ASTN2: variants seen among roughly 807,000 people sequenced by gnomAD.
ASTN2 encodes the protein astrotactin-2.
A neutral mutation model predicts 139.8 loss-of-function variants in ASTN2; 54 were observed. The ratio of observed to expected loss-of-function variants is 0.39; its 90% CI spans 0.31 to 0.48. The LOEUF is 0.48. ASTN2 is among the 20% of genes least tolerant of loss of function. The pLI, the probability that ASTN2 is intolerant of heterozygous loss-of-function variation, is 0.95. For synonymous variants in ASTN2, 756 were observed against 719.5 expected, an observed-to-expected ratio of 1.05 and a Z score of -0.81; for missense variants, 1,565 against 1,725.1, an observed-to-expected ratio of 0.91 and a Z score of 1.64.
At chr9:117,234,242 C>G (rs900888940) in intron 2 of ASTN2, among the ~76,000 whole-genome samples, 2 of 152,180 alleles carry the variant, frequency 1.3e-5, no homozygotes, top group East Asian at 1.9e-4. Context: ...GAAAAGGGAG[C>G]CTCAGGCAGG....
Position 116,733,467 on chromosome 9 carries a change from G to A in ASTN2, c.2453C>T (p.Pro818Leu), listed in dbSNP as rs367553979. ...PQLADGLLVI[P>L]LPVEEQCRGV... The stretch of plus-strand genomic sequence containing the variant: ...CCGGCACTGCTCCTCCACCGGCAGC[G>A]GGATCACCAACAGCCCATCGGCCAG... The change falls in exon 14 of 23, where the codon CCG (proline) becomes CTG (leucine). Residue 818 changes from proline (P) to leucine (L), a missense_variant. Coordinates refer to ENST00000313400, the MANE Select transcript of ASTN2 (RefSeq NM_001365068.1). The A allele has an allele frequency of 5.0e-6, 8 of 1,614,082 alleles. No individual in the cohort carries two copies. Among genetic ancestry groups the A allele is most frequent in the African/African-American group, 1.3e-5 (1 of 74,932 alleles).
intron 4 of ASTN2, among the ~76,000 whole-genome samples, chr9:117,127,050 G>A (rs1258101935): frequency 2.0e-5 from 3 of 152,204 alleles, no homozygotes; most frequent in Middle Eastern, 6.3e-3. Context: ...CCTACGGCAG[G>A]ATAATTGCTC....
At chr9:116,529,383 G>A (rs1269591097) in intron 19 of ASTN2, among the ~76,000 whole-genome samples, 1 of 152,132 alleles carries the variant, frequency 6.6e-6, no homozygotes, top group East Asian at 1.9e-4. Flanking sequence ...TCTCCCATTT[G>A]TAATGAGGGC....
chr9:117,326,849 G>T (rs754044416), intron 1 of ASTN2, among the ~76,000 whole-genome samples: 4 of 152,134 alleles, frequency 2.6e-5, no homozygotes, highest in African/African-American at 4.8e-5. Context: ...AGTCCTCAAA[G>T]ACAAAATGAC....
intron 3 of ASTN2, among the ~76,000 whole-genome samples, chr9:117,148,740 TA>T (rs1222701442): frequency 7.9e-5 from 12 of 152,358 alleles, no homozygotes; most frequent in African/African-American, 2.4e-4. Context: ...TTTTTATCTA[TA>T]TTTTTTTAGA....
rs539341587 is a variant in ASTN2 at position 116,446,036 on chromosome 9, C to A, written c.3498-3483G>T. ...GGCACATCTGAAAGCTGTTAGGGGA[C>A]CAGGCAGTGCCTGGAGGGGTTACTT... is the stretch of plus-strand genomic sequence containing the variant. On this transcript the variant is annotated intron_variant, in intron 20 of 22. Transcript: ENST00000313400. Among the ~76,000 whole-genome samples, 12 of 151,976 alleles carry A rather than the reference C, an allele frequency of 7.9e-5. No individual in the cohort carries two copies. In the East Asian group the frequency reaches 2.1e-3, roughly 27 times the overall value.
At chr9:117,090,742 G>C (rs954958493) in intron 5 of ASTN2, among the ~76,000 whole-genome samples, 1 of 152,156 alleles carries the variant, frequency 6.6e-6, no homozygotes, top group African/African-American at 2.4e-5. Context: ...ATCCACCCAG[G>C]GCCACATGGA....
chr9:116,718,472 A>T (rs1306334731), intron 16 of ASTN2, among the ~76,000 whole-genome samples: 1 of 152,222 alleles, frequency 6.6e-6, no homozygotes, highest in African/African-American at 2.4e-5. Context: ...TTTTAGAAAC[A>T]TCCTATAATG....
chr9:116,815,543 C>T (rs918194815), intron 12 of ASTN2, among the ~76,000 whole-genome samples: 4 of 152,008 alleles, frequency 2.6e-5, no homozygotes, highest in Non-Finnish European at 4.4e-5. Context: ...CGGTGGCTCA[C>T]ACCTGTAATC....
In ASTN2 at chr9:116,805,752, C is replaced by T; in HGVS notation, c.2276G>A (p.Gly759Asp). The change falls in exon 13 of 23, where the codon GGC becomes GAC. Residue 759 changes from glycine (G) to aspartate (D), a missense_variant. Coordinates refer to ENST00000313400, the MANE Select transcript of ASTN2 (RefSeq NM_001365068.1). ...GGAGTCAGGTTTGAGGCACTTGGGG[C>T]CCTCGCAGACATCTGAGAGCATTAA... ...SCLMLSDVCE[G>D]PKCLKPDSKF... The T allele has an allele frequency of 6.2e-7, 1 of 1,613,934 alleles. No homozygotes were observed. The highest frequency in any genetic ancestry group is 8.5e-7 in the Non-Finnish European group (1 of 1,179,850).
At chr9:116,933,979 C>CTTTTTTTTTTTTTTT (rs148724828) in intron 10 of ASTN2, among the ~76,000 whole-genome samples, 869 of 86,770 alleles carry the variant, frequency 0.01, 136 homozygotes, top group East Asian at 0.017. Flanking sequence ...AGTGTTAGTC[C>CTTTTTTTTTTTTTTT]TTTTTTTTTT....
chr9:117,353,728 G>A (rs1052367348), intron 1 of ASTN2, among the ~76,000 whole-genome samples: 7 of 151,970 alleles, frequency 4.6e-5, no homozygotes, highest in Non-Finnish European at 7.4e-5. Context: ...CCCTAATCGC[G>A]CCATCTGCTT....
chr9:117,323,762 T>G (rs7038598), intron 1 of ASTN2, among the ~76,000 whole-genome samples: 75,503 of 151,996 alleles, frequency 0.5, 18,955 homozygotes, highest in Non-Finnish European at 0.51. Context: ...CATTCTAATT[T>G]CTTTTCTTTC....
At chr9:117,387,122 C>A (rs1331406943) in intron 1 of ASTN2, among the ~76,000 whole-genome samples, 1 of 152,116 alleles carries the variant, frequency 6.6e-6, no homozygotes, top group Non-Finnish European at 1.5e-5. Context: ...AACACAGGGG[C>A]TTGTATCTAT....
At chr9:116,895,841 T>C (rs1833866513) in intron 10 of ASTN2, among the ~76,000 whole-genome samples, 1 of 151,976 alleles carries the variant, frequency 6.6e-6, no homozygotes, top group African/African-American at 2.4e-5. Flanking sequence ...CCAGTTAAAA[T>C]GTGTGTGTAA....
chr9:116,852,925 G>T (rs1832650210), intron 11 of ASTN2, among the ~76,000 whole-genome samples: 1 of 126,392 alleles, frequency 7.9e-6, no homozygotes, highest in African/African-American at 3.4e-5. Flanking sequence ...ACACGGTTAA[G>T]ATCAAGCTAG....
At chr9:117,242,819 G>A (rs1833255738) in intron 2 of ASTN2, among the ~76,000 whole-genome samples, 1 of 152,198 alleles carries the variant, frequency 6.6e-6, no homozygotes, top group African/African-American at 2.4e-5. Flanking sequence ...CAGAGCAAAA[G>A]TGTGTTTTGG....
intron 4 of ASTN2, among the ~76,000 whole-genome samples, chr9:117,111,435 A>G (rs1587975383): frequency 1.4e-5 from 1 of 69,012 alleles, no homozygotes; most frequent in East Asian, 8.0e-4. Context: ...TATGTATAAA[A>G]TAAAAAAAAA....
At chr9:116,880,789 T>C (rs1027787453) in intron 10 of ASTN2, among the ~76,000 whole-genome samples, 1 of 152,162 alleles carries the variant, frequency 6.6e-6, no homozygotes, top group African/African-American at 2.4e-5. Context: ...CTGAATTTCT[T>C]AAGGACTTAC....
Sources: allele counts gnomAD v4.1 joint callset (sites outside exome capture counted in the v4.1 genomes callset), GRCh38; gene constraint gnomAD v4.1.1; transcripts MANE v1.5; gene names NCBI Gene and HGNC (gene_info 2026-07-23, HGNC 2026-07-21).